Variants in GOLGB1 observed in about 807,000 individuals in gnomAD.
GOLGB1 encodes the protein golgin B1, also known as golgin subfamily B member 1.
In GOLGB1, 174 loss-of-function variants were observed where a neutral mutation model predicts 336.9. That is an observed-to-expected ratio of 0.52 (90% CI 0.46 to 0.59). The LOEUF (loss-of-function observed/expected upper bound fraction) is 0.59. Among genes scored for constraint, GOLGB1 ranks in the 20% least tolerant of loss-of-function variants. The pLI is 0.00. For missense variants in GOLGB1, 3,331 were observed against 3,645.3 expected, an observed-to-expected ratio of 0.91 and a Z score of 2.22; for synonymous variants, 1,208 against 1,289.2, an observed-to-expected ratio of 0.94 and a Z score of 1.35.
intron 1 of GOLGB1, among the ~76,000 whole-genome samples, chr3:121,747,172 A>AT (rs1431669204): frequency 3.8e-5 from 5 of 130,296 alleles, no homozygotes; most frequent in African/African-American, 1.5e-4. Context: ...ATATATATAT[A>AT]TATATATATA....
At position 121,694,533 on chromosome 3, in the gene GOLGB1, T is replaced by G; in HGVS notation, c.5990A>C (p.Glu1997Ala). The G allele has an allele frequency of 1.2e-6, 2 of 1,612,576 alleles. No homozygotes were observed. Among genetic ancestry groups the G allele is most frequent in the Non-Finnish European group, 8.5e-7 (1 of 1,179,828 alleles). Residue 1997 changes from glutamate (E) to alanine (A), a missense_variant, in exon 13 of 22, where the codon GAG becomes GCG. Glu to Ala is a moderately radical substitution (Grantham distance 107). Transcript: ENST00000614479. ...VESEIRKEYL[E>A]KIQGAQKEPG... ...TTCTTTCTGAGCACCTTGTATTTTC[T>G]CCAAATATTCCTTTCGTATTTCTGA...
intron 11 of GOLGB1, among the ~76,000 whole-genome samples, chr3:121,700,723 G>T (rs1013040455): frequency 6.6e-6 from 1 of 151,852 alleles, no homozygotes; most frequent in Admixed American, 6.6e-5. Flanking sequence ...GAGAACATTT[G>T]TACTGCTTTT....
chr3:121,681,763 T>A lies in GOLGB1; in HGVS notation c.8797A>T (p.Thr2933Ser). 6.2e-7 allele frequency: 1 copy of A among 1,611,988 alleles called. No individual in the cohort carries two copies. Among genetic ancestry groups the A allele is most frequent in the East Asian group, 2.2e-5 (1 of 44,876 alleles). Residue 2933 changes from threonine to serine, a missense_variant, in exon 15 of 22, where the codon ACA becomes TCA. Physicochemically the swap from Thr to Ser is moderately conservative, Grantham distance 58. Coordinates refer to ENST00000614479, the MANE Select transcript of GOLGB1 (RefSeq NM_001366282.2). Reference sequence around the variant, plus strand: ...TCTTGCATAATCTGAAATGCTTTTGTCTTATCTTGATACTCCTGAAGTTGA... The same window carrying A: ...TCTTGCATAATCTGAAATGCTTTTGACTTATCTTGATACTCCTGAAGTTGA... ...KAQLQEYQDKTKAFQIMQEEL... is the reference protein window; with the variant it reads ...KAQLQEYQDKSKAFQIMQEEL...
chr3:121,747,261 ATATATATG>A (rs1161947223), intron 1 of GOLGB1, among the ~76,000 whole-genome samples: 363 of 136,802 alleles, frequency 2.7e-3, no homozygotes, highest in East Asian at 5.4e-3. Flanking sequence ...ATGTGTGTAT[ATATATATG>A]TATATATGTA....
At position 121,730,888 on chromosome 3, in the gene GOLGB1, A is replaced by T. The variant is rs766321530; in HGVS notation, c.84T>A (p.Ala28=). ...CAGAACTACTCACAGGGTCTAGGGG[A>T]GCCCTCATATTCTGATCAGTGTCAT... ...GDDDTDQNMR[A]PLDPELHQES... is the part of the protein sequence containing the mutation. Residue 28 remains alanine (A), a synonymous_variant, in exon 2 of 22, where the codon GCT becomes GCA. Transcript: ENST00000614479. 2.5e-6 allele frequency: 4 copies of T among 1,611,980 alleles called. No homozygotes were observed. The South Asian group carries it at 4.4e-5, about 18-fold the overall frequency.
chr3:121,674,960 C>T (rs979133834), intron 17 of GOLGB1, among the ~76,000 whole-genome samples: 9 of 151,552 alleles, frequency 5.9e-5, no homozygotes, highest in East Asian at 3.9e-4. Context: ...CTCAGCCTCC[C>T]GAGTAGCTGG....
At position 121,694,090 on chromosome 3, in the gene GOLGB1, T is replaced by A. The variant is rs1489505402; in HGVS notation, c.6433A>T (p.Asn2145Tyr). The change falls in exon 13 of 22, where the codon AAT (asparagine) becomes TAT (tyrosine). Residue 2145 changes from asparagine to tyrosine, a missense_variant. Physicochemically the swap from Asn to Tyr is moderately radical, Grantham distance 143. Coordinates refer to ENST00000614479, the MANE Select transcript of GOLGB1 (RefSeq NM_001366282.2). ...AEEKHLKEKK[N>Y]MQEKLDALRR... is the part of the protein sequence containing the mutation. ...AAAGCATCCAGTTTCTCTTGCATAT[T>A]CTTCTTCTCTTTCAGGTGCTTCTCT... 1 of 1,613,960 alleles carries A rather than the reference T, an allele frequency of 6.2e-7. No individual in the cohort carries two copies. Among genetic ancestry groups the A allele is most frequent in the African/African-American group, 1.3e-5 (1 of 74,934 alleles).
chr3:121,742,672 T>A (rs1035339720), intron 1 of GOLGB1, among the ~76,000 whole-genome samples: 4 of 151,818 alleles, frequency 2.6e-5, no homozygotes, highest in African/African-American at 4.8e-5. Flanking sequence ...ACCATCAGAG[T>A]GAACAGGCAA....
At position 121,697,184 on chromosome 3, in the gene GOLGB1, T is replaced by C; in HGVS notation, c.3339A>G (p.Ile1113Met). 1 of 1,614,142 alleles carries C rather than the reference T, an allele frequency of 6.2e-7. No homozygotes were observed. The highest frequency in any genetic ancestry group is 8.5e-7 in the Non-Finnish European group (1 of 1,179,978). The change falls in exon 13 of 22, where the codon ATA becomes ATG. Residue 1113 changes from isoleucine to methionine, a missense_variant. Physicochemically the swap from Ile to Met is conservative, Grantham distance 10. Transcript: ENST00000614479. ...CACTGATTTCTGCTTGGAGCAAATC[T>C]ATTTGGTTTGTTTTATCTTGCAAGG... ...NQTLQDKTNQ[I>M]DLLQAEISEN...
rs779842291 is a variant in GOLGB1, at chr3:121,665,003, G to A, written c.9583C>T (p.Arg3195Trp). 9 of 1,609,090 alleles carry A rather than the reference G, an allele frequency of 5.6e-6. No homozygotes were observed. Among genetic ancestry groups the A allele is most frequent in the East Asian group, 4.5e-5 (2 of 44,880 alleles). The change falls in exon 21 of 22, where the codon CGG becomes TGG. Residue 3195 changes from arginine to tryptophan, a missense_variant. Arg to Trp is a moderately radical substitution (Grantham distance 101). Coordinates refer to ENST00000614479, the MANE Select transcript of GOLGB1 (RefSeq NM_001366282.2). ...RLEHSEWDSSRTPIIGSCGTQ... is the reference protein window; with the variant it reads ...RLEHSEWDSSWTPIIGSCGTQ... The stretch of plus-strand genomic sequence containing the variant: ...CCACAGGAGCCAATGATAGGAGTCC[G>A]GGAAGAGTCCCATTCACTGTGCTCT...
chr3:121,680,381 G>T (rs1455962018), intron 15 of GOLGB1, among the ~76,000 whole-genome samples: 1 of 152,184 alleles, frequency 6.6e-6, no homozygotes, highest in Non-Finnish European at 1.5e-5. Context: ...TAACACTGAG[G>T]TGACACAAAT....
chr3:121,668,172 A>T lies in GOLGB1; in HGVS notation c.9322-14T>A. ...ATTTAGTGGCCCCTGGAAGAAGAAT[A>T]AGCTTAGTAATTCAGTGATGAAAGC... On this transcript the variant is annotated splice_polypyrimidine_tract_variant and intron_variant, in intron 18 of 21. Coordinates refer to ENST00000614479, the MANE Select transcript of GOLGB1 (RefSeq NM_001366282.2). 6.9e-7 allele frequency: 1 copy of T among 1,441,550 alleles called. No individual in the cohort carries two copies. 89.3% of individuals were successfully genotyped at this position (1,441,550 alleles called of 1,614,324 possible). A position where few individuals can be genotyped will look rare whatever the true frequency, so the allele number is the denominator to read the frequency against.
intron 4 of GOLGB1, among the ~76,000 whole-genome samples, chr3:121,728,561 T>C (rs1397922852): frequency 2.0e-5 from 3 of 152,208 alleles, no homozygotes; most frequent in Non-Finnish European, 4.4e-5. Context: ...AGTTTAACCA[T>C]ACAGGAAAGA....
Position 121,698,864 on chromosome 3 carries a change from T to C in GOLGB1, c.1659A>G (p.Leu553=). The change falls in exon 13 of 22, where the codon CTA becomes CTG. Residue 553 remains leucine (L), a synonymous_variant. Transcript: ENST00000614479. ...TATGTTTCTGAGAAAATGTGTTTTC[T>C]AGAACATCTTGTCCACTTTCCTCAG... is the stretch of plus-strand genomic sequence containing the variant. ...SSAEESGQDV[L]ENTFSQKHKE... 1 of 1,610,162 alleles carries C rather than the reference T, an allele frequency of 6.2e-7. No individual in the cohort carries two copies. Among genetic ancestry groups the C allele is most frequent in the Non-Finnish European group, 8.5e-7 (1 of 1,177,192 alleles).
chr3:121,676,735 G>C (rs1191989969), intron 17 of GOLGB1, among the ~76,000 whole-genome samples, 158 bp downstream of exon 17: 1 of 152,198 alleles, frequency 6.6e-6, no homozygotes, highest in African/African-American at 2.4e-5. Context: ...CCTGTGTCCA[G>C]TGCTTTGGAA....
chr3:121,667,399 A>G, intron 20 of GOLGB1, 77 bp downstream of exon 20: 1 of 1,436,302 alleles, frequency 7.0e-7, no homozygotes, highest in Non-Finnish European at 9.5e-7. Flanking sequence ...AAGAAATCCT[A>G]AGTCTGGCAG....
intron 14 of GOLGB1, among the ~76,000 whole-genome samples, chr3:121,688,463 C>A (rs1942014626): frequency 6.6e-6 from 1 of 152,268 alleles, no homozygotes; most frequent in South Asian, 2.1e-4. Context: ...GCCGGGATTG[C>A]AGACGGAGTC....
At chr3:121,700,931 C>T (rs1367384915) in intron 11 of GOLGB1, among the ~76,000 whole-genome samples, 2 of 152,092 alleles carry the variant, frequency 1.3e-5, no homozygotes, top group Admixed American at 6.6e-5. Flanking sequence ...TGTGTATAAA[C>T]AGGTTTGTAG....
rs749034130 is a variant in GOLGB1, at chr3:121,692,454, G to A, written c.6910C>T (p.Leu2304=). The A allele has an allele frequency of 1.2e-6, 2 of 1,613,980 alleles. No homozygotes were observed. Among genetic ancestry groups the A allele is most frequent in the East Asian group, 4.5e-5 (2 of 44,876 alleles). The change falls in exon 14 of 22, where the codon CTA becomes TTA. Residue 2304 remains leucine, a synonymous_variant. Coordinates refer to ENST00000614479, the MANE Select transcript of GOLGB1 (RefSeq NM_001366282.2). ...AATTCATTCTGAGAACTGTGGTATA[G>A]GTGGCGTGTCTCTTCTAGCTGGGAC... ...LLSQLEETRH[L]YHSSQNELAK...
Sources: gnomAD v4.1 joint callset for allele counts (sites outside exome capture counted in the v4.1 genomes callset) on GRCh38, gnomAD v4.1.1 for gene constraint, MANE v1.5 for transcripts, NCBI Gene and HGNC (gene_info 2026-07-23, HGNC 2026-07-21) for gene names.